CRB2: variants seen among roughly 807,000 people sequenced by gnomAD.
CRB2 encodes crumbs cell polarity complex component 2, also known as protein crumbs homolog 2.
In CRB2, 85 loss-of-function variants were observed where a neutral mutation model predicts 110.9. That is an observed-to-expected ratio of 0.77 (90% confidence interval 0.64 to 0.92). The LOEUF (loss-of-function observed/expected upper bound fraction) is 0.92. Ranked by LOEUF, CRB2 falls within the 40% of genes least tolerant of loss-of-function variation. The probability of loss-of-function intolerance (pLI) is 0.00; values close to 1 mark genes in which losing one functional copy is unlikely to be tolerated. For synonymous variants in CRB2, 907 were observed against 831.0 expected (o/e 1.09, Z -1.57); for missense variants, 1,843 against 1,851.3 (o/e 1.00, Z 0.08).
chr9:123,360,059 C>T (rs976914295), intron 1 of CRB2, among the ~76,000 whole-genome samples: 1 of 152,100 alleles, frequency 6.6e-6, no homozygotes, highest in Non-Finnish European at 1.5e-5. Context: ...ATGTGGACCT[C>T]TGGGAAATCA....
intron 1 of CRB2, among the ~76,000 whole-genome samples, chr9:123,359,503 C>T (rs1266860213): frequency 7.2e-6 from 1 of 138,422 alleles, no homozygotes; most frequent in Non-Finnish European, 1.5e-5. Context: ...GGCTGCAGTG[C>T]AGTGGCAAAA....
intron 1 of CRB2, among the ~76,000 whole-genome samples, chr9:123,357,628 C>T (rs1433718435): frequency 2.3e-5 from 3 of 132,420 alleles, no homozygotes; most frequent in South Asian, 2.7e-4. Flanking sequence ...GGCATGGTGG[C>T]GGGGGGCGGG....
chr9:123,373,730 C>T lies in CRB2; in HGVS notation c.3199C>T (p.His1067Tyr). ...APVCAPSPCL[H>Y]DGACRDLFDA... The stretch of plus-strand genomic sequence containing the variant: ...CGTGTGTGCGCCCTCGCCCTGTCTG[C>T]ACGACGGTGCCTGCCGTGACCTCTT... Residue 1067 changes from histidine to tyrosine, a missense_variant, in exon 10 of 13, where the codon CAC (histidine) becomes TAC (tyrosine). Transcript: ENST00000373631. 1 of 1,574,312 alleles carries T rather than the reference C, an allele frequency of 6.4e-7. No homozygotes were observed.
rs558196858 is a variant in CRB2 at position 123,370,037 on chromosome 9, T to A, written c.1055-71T>A. ...ACTGAGGTCCCCATCATAAGAGGCA[T>A]GTAAGTTCTGGGTCAGTACTGTGAT... On this transcript the variant is annotated intron_variant, in intron 6 of 12. Coordinates refer to ENST00000373631, the MANE Select transcript of CRB2 (RefSeq NM_173689.7). The A allele has an allele frequency of 4.0e-6, 6 of 1,498,982 alleles. No homozygotes were observed. The African/African-American group carries it at 8.4e-5, about 21-fold the overall frequency. 92.9% of individuals were successfully genotyped at this position (1,498,982 alleles called of 1,614,324 possible).
intron 12 of CRB2, 80 bp from the exon 13 acceptor site, chr9:123,376,758 G>A: frequency 7.6e-7 from 1 of 1,314,478 alleles, no homozygotes; most frequent in Admixed American, 2.1e-5. Context: ...AGGTCCTTGT[G>A]CTGCGCTCTC....
rs2042111100 is a variant in CRB2 at position 123,376,888 on chromosome 9, T to A, written c.3684T>A (p.Pro1228=). ...TCCCACTGCTGGAGGTGGCCGTACC[T>A]GCAGCCTGTGCCTGCCTCCTCCTCC... ...LPFPLLEVAV[P]AACACLLLLL... The change falls in exon 13 of 13, where the codon CCT becomes CCA. Residue 1228 remains proline (P), a synonymous_variant. Coordinates refer to ENST00000373631, the MANE Select transcript of CRB2 (RefSeq NM_173689.7). 6.2e-7 allele frequency: 1 copy of A among 1,609,886 alleles called. No homozygotes were observed. Among genetic ancestry groups the A allele is most frequent in the African/African-American group, 1.3e-5 (1 of 74,872 alleles).
rs1171000710 is a variant in CRB2, at chr9:123,366,374, C to A, written c.754+8C>A. 1 of 1,539,356 alleles carries A rather than the reference C, an allele frequency of 6.5e-7. No homozygotes were observed. The highest frequency in any genetic ancestry group is 1.2e-5 in the South Asian group (1 of 83,186). ...GCTGCCTCTGTTGGCCAGGTGTGTGCGTGCAGGTGCGCGGCCTGGCGGGGG... is the reference window on the plus strand; with the variant it reads ...GCTGCCTCTGTTGGCCAGGTGTGTGAGTGCAGGTGCGCGGCCTGGCGGGGG... On this transcript the variant is annotated splice_region_variant and intron_variant, in intron 4 of 12. Transcript: ENST00000373631.
chr9:123,360,954 G>C (rs975267918), intron 1 of CRB2, among the ~76,000 whole-genome samples: 3 of 152,234 alleles, frequency 2.0e-5, no homozygotes, highest in Admixed American at 1.3e-4. Flanking sequence ...TTCCTCCCAT[G>C]GGGTTGGACT....
At chr9:123,358,974 C>T (rs1263097134) in intron 1 of CRB2, among the ~76,000 whole-genome samples, 1 of 152,002 alleles carries the variant, frequency 6.6e-6, no homozygotes, top group African/African-American at 2.4e-5. Flanking sequence ...AGGTGGGGAA[C>T]CCCACCTGCT....
rs2042142917 is a variant in CRB2 at position 123,378,599 on chromosome 9, C to T, written c.*1537C>T. On this transcript the variant is annotated 3_prime_UTR_variant, in exon 13 of 13. Coordinates refer to ENST00000373631, the MANE Select transcript of CRB2 (RefSeq NM_173689.7). ...GGTCCTTATCCTGTAGGAGGTGGGACCACCTTTCCCTGAACTTTCTCTACA... is the reference window on the plus strand; with the variant it reads ...GGTCCTTATCCTGTAGGAGGTGGGATCACCTTTCCCTGAACTTTCTCTACA... 6.6e-6 allele frequency: 1 copy of T among 152,150 alleles called. No individual in the cohort carries two copies. The highest frequency in any genetic ancestry group is 2.1e-4 in the South Asian group (1 of 4,828). The allele number at this position is 152,150 out of a possible 1,614,324, so 9.4% of individuals were successfully genotyped here.
chr9:123,358,654 C>G (rs536489571), intron 1 of CRB2, among the ~76,000 whole-genome samples: 2 of 152,216 alleles, frequency 1.3e-5, no homozygotes, highest in Non-Finnish European at 2.9e-5. Context: ...TCTGATACCC[C>G]TAGTTTACAG....
At chr9:123,375,816 CG>C (rs2042094731) in intron 12 of CRB2, among the ~76,000 whole-genome samples, 1 of 152,022 alleles carries the variant, frequency 6.6e-6, no homozygotes, top group African/African-American at 2.4e-5. Flanking sequence ...GCCCCAACCC[CG>C]GGTGGCTCAG....
chr9:123,371,177 C>T lies in CRB2; in HGVS notation c.2035C>T (p.Arg679Trp), dbSNP rs769939956. ...NLTVSFLLRT[R>W]ESAGLLLQFA... is the part of the protein sequence containing the mutation. ...CACAGTGTCTTTCCTTCTCCGCACT[C>T]GGGAGTCCGCTGGCCTGTTGCTCCA... Residue 679 changes from arginine to tryptophan, a missense_variant, in exon 8 of 13, where the codon CGG (arginine) becomes TGG (tryptophan). By Grantham distance (101) the Arg-to-Trp change is moderately radical (BLOSUM62 -3). Coordinates refer to ENST00000373631, the MANE Select transcript of CRB2 (RefSeq NM_173689.7). The T allele has an allele frequency of 1.2e-5, 20 of 1,613,682 alleles. No individual in the cohort carries two copies. In the East Asian group the frequency reaches 1.6e-4, roughly 13 times the overall value.
chr9:123,376,588 A>G (rs1306282839), intron 12 of CRB2, among the ~76,000 whole-genome samples: 2 of 151,718 alleles, frequency 1.3e-5, no homozygotes, highest in African/African-American at 2.4e-5. Flanking sequence ...TGTTCAATAA[A>G]CGCCCATCTC....
At chr9:123,379,217 C>T (rs1489469070), downstream of CRB2, among the ~76,000 whole-genome samples, 1 of 152,076 alleles carries the variant, frequency 6.6e-6, no homozygotes, top group Non-Finnish European at 1.5e-5. Flanking sequence ...GTTCCACGCT[C>T]ACTATGGGGT....
intron 6 of CRB2, among the ~76,000 whole-genome samples, chr9:123,368,106 C>T (rs1481917358): frequency 1.3e-5 from 2 of 152,068 alleles, no homozygotes; most frequent in African/African-American, 2.4e-5. Flanking sequence ...CTTGGGTACA[C>T]GCAGATGCAC....
chr9:123,354,667 G>T (rs1269963649), upstream of CRB2, among the ~76,000 whole-genome samples: 1 of 152,224 alleles, frequency 6.6e-6, no homozygotes, highest in African/African-American at 2.4e-5. Context: ...TATTGGAGAG[G>T]CAGGGGATTA....
rs200454085 is a variant in CRB2 at position 123,366,583 on chromosome 9, C to G, written c.754+217C>G. On this transcript the variant is annotated intron_variant, in intron 4 of 12. Transcript: ENST00000373631. ...GCTCCTGGGGTTGCTGCGGGGAGCT[C>G]GAAGGTGCGACGCCTGGGAAGCCCT... is the stretch of plus-strand genomic sequence containing the variant. 1.1e-4 allele frequency among the ~76,000 whole-genome samples: 17 copies of G among 152,210 alleles called. No homozygotes were observed. The East Asian group carries it at 3.3e-3, about 29-fold the overall frequency.
chr9:123,360,898 C>A (rs959769300), intron 1 of CRB2, among the ~76,000 whole-genome samples: 1 of 152,202 alleles, frequency 6.6e-6, no homozygotes, highest in Non-Finnish European at 1.5e-5. Flanking sequence ...CCTCCCAGGA[C>A]GGGCAGCTCC....
Sources: gnomAD v4.1 joint callset for allele counts (sites outside exome capture counted in the v4.1 genomes callset) on GRCh38, gnomAD v4.1.1 for gene constraint, MANE v1.5 for transcripts, NCBI Gene and HGNC (gene_info 2026-07-23, HGNC 2026-07-21) for gene names.